The following GXYLT2 variants were observed in gnomAD, a reference collection of about 807,000 sequenced individuals.
GXYLT2 encodes the protein glucoside xylosyltransferase 2.
In GXYLT2, 53 loss-of-function variants were observed where a neutral mutation model predicts 45.8. The ratio of observed to expected loss-of-function variants is 1.16; its 90% confidence interval spans 0.93 to 1.46. GXYLT2 has a LOEUF of 1.46. GXYLT2 is among the 40% of genes most tolerant of loss of function. GXYLT2 has a pLI of 0.00. For synonymous variants in GXYLT2, 219 were observed against 214.2 expected (o/e 1.02, Z -0.19); for missense variants, 551 against 544.4 (o/e 1.01, Z -0.12).
At chr3:72,936,300 G>GAAAAAAAAA (rs796602781) in intron 3 of GXYLT2, among the ~76,000 whole-genome samples, 11 of 72,336 alleles carry the variant, frequency 1.5e-4, no homozygotes, top group South Asian at 1.5e-3. Context: ...TCAAAAAAAA[G>GAAAAAAAAA]AAAAAAAAAA....
At chr3:72,942,445 G>T (rs1171123510) in intron 3 of GXYLT2, among the ~76,000 whole-genome samples, 1 of 152,066 alleles carries the variant, frequency 6.6e-6, no homozygotes, top group Admixed American at 6.6e-5. Flanking sequence ...TAAAATTAAG[G>T]AGTGAAAGTT....
At chr3:72,929,223 A>AT (rs1709978453) in intron 3 of GXYLT2, 2 of 1,570,894 alleles carry the variant, frequency 1.3e-6, no homozygotes, top group East Asian at 4.5e-5. Flanking sequence ...CACCAATCTC[A>AT]TGAGGAGAGG....
chr3:72,909,403 A>G (rs1709575371), intron 2 of GXYLT2, among the ~76,000 whole-genome samples: 1 of 151,636 alleles, frequency 6.6e-6, no homozygotes, highest in Admixed American at 6.6e-5. Flanking sequence ...TTGTCTGTCT[A>G]TGTTTGTACA....
At position 72,894,958 on chromosome 3, in the gene GXYLT2, A is replaced by G. The variant is rs374977736; in HGVS notation, c.275+6450A>G. On this transcript the variant is annotated intron_variant, in intron 1 of 6. Coordinates refer to ENST00000389617, the MANE Select transcript of GXYLT2 (RefSeq NM_001080393.2). ...CTCTCTCCCCTGTATGGAAGCCCCCAGTAAAACGCCAGGTCTCGTTTGCTG... is the reference window on the plus strand; with the variant it reads ...CTCTCTCCCCTGTATGGAAGCCCCCGGTAAAACGCCAGGTCTCGTTTGCTG... 3.1e-4 allele frequency among the ~76,000 whole-genome samples: 47 copies of G among 152,276 alleles called. 2 individuals carry two copies. The South Asian group carries it at 8.9e-3, about 29-fold the overall frequency.
At chr3:72,894,441 T>C (rs1180144725) in intron 1 of GXYLT2, among the ~76,000 whole-genome samples, 1 of 152,220 alleles carries the variant, frequency 6.6e-6, no homozygotes, top group Non-Finnish European at 1.5e-5. Context: ...TATCAAAACC[T>C]GCGGGTGACT....
At chr3:72,960,850 T>C (rs922650175) in intron 5 of GXYLT2, among the ~76,000 whole-genome samples, 18 of 152,186 alleles carry the variant, frequency 1.2e-4, no homozygotes, top group Admixed American at 1.0e-3. Context: ...AGGGAGACAG[T>C]ATTGGCCACG....
intron 2 of GXYLT2, among the ~76,000 whole-genome samples, chr3:72,908,940 C>T (rs1392236659): frequency 1.3e-5 from 2 of 151,844 alleles, no homozygotes; most frequent in Admixed American, 1.3e-4. Context: ...AGAATTTTGC[C>T]GTGTTGCCCA....
intron 1 of GXYLT2, among the ~76,000 whole-genome samples, chr3:72,897,507 A>G (rs1709317519): frequency 6.6e-6 from 1 of 152,180 alleles, no homozygotes; most frequent in Non-Finnish European, 1.5e-5. Context: ...TACAAGTGAA[A>G]TGTGCTTACA....
At chr3:72,896,682 C>G (rs1163162865) in intron 1 of GXYLT2, among the ~76,000 whole-genome samples, 1 of 151,938 alleles carries the variant, frequency 6.6e-6, no homozygotes, top group African/African-American at 2.4e-5. Flanking sequence ...AACCTGGTCT[C>G]TACCAAAAAT....
At chr3:72,970,540 G>C (rs967953644) in intron 6 of GXYLT2, among the ~76,000 whole-genome samples, 7 of 151,976 alleles carry the variant, frequency 4.6e-5, no homozygotes, top group Non-Finnish European at 1.0e-4. Context: ...TTGCTAGGGA[G>C]AGTCCTGGAG....
chr3:72,911,466 A>G (rs1401620747), intron 2 of GXYLT2, among the ~76,000 whole-genome samples: 1 of 152,154 alleles, frequency 6.6e-6, no homozygotes, highest in African/African-American at 2.4e-5. Context: ...ACAGGGCAGA[A>G]GGGATGGTAT....
chr3:72,940,534 T>TA (rs1223225705), intron 3 of GXYLT2, among the ~76,000 whole-genome samples: 5 of 151,976 alleles, frequency 3.3e-5, no homozygotes, highest in African/African-American at 1.2e-4. Flanking sequence ...GGGGGTTGGT[T>TA]ATGGGGGTTT....
intron 1 of GXYLT2, among the ~76,000 whole-genome samples, chr3:72,894,932 ACT>A (rs1484366889): frequency 2.0e-5 from 3 of 151,466 alleles, no homozygotes; most frequent in Admixed American, 1.3e-4. Flanking sequence ...TTGCCACTGG[ACT>A]CTCTCCCCTG....
intron 3 of GXYLT2, among the ~76,000 whole-genome samples, chr3:72,945,983 G>T (rs1710394531): frequency 6.6e-6 from 1 of 152,042 alleles, no homozygotes; most frequent in East Asian, 1.9e-4. Context: ...CAATAAAGAT[G>T]CCATTTCTTT....
chr3:72,915,096 A>G (rs1170953884), intron 2 of GXYLT2, among the ~76,000 whole-genome samples: 2 of 151,968 alleles, frequency 1.3e-5, no homozygotes, highest in African/African-American at 2.4e-5. Flanking sequence ...AGGTTGAATG[A>G]GCCAAGATGG....
intron 3 of GXYLT2, among the ~76,000 whole-genome samples, chr3:72,928,749 G>C (rs566713002): frequency 9.3e-5 from 14 of 151,318 alleles, no homozygotes; most frequent in Non-Finnish European, 2.1e-4. Flanking sequence ...GGATCAGACT[G>C]TGGGGGCAAT....
intron 3 of GXYLT2, among the ~76,000 whole-genome samples, chr3:72,933,379 A>G (rs917960698): frequency 2.0e-5 from 3 of 152,246 alleles, no homozygotes; most frequent in Non-Finnish European, 4.4e-5. Flanking sequence ...AGTAGTTGCT[A>G]GTAAATGCTA....
chr3:72,892,438 C>T (rs1709201109), intron 1 of GXYLT2, among the ~76,000 whole-genome samples: 1 of 152,296 alleles, frequency 6.6e-6, no homozygotes, highest in Non-Finnish European at 1.5e-5. Context: ...TAGTTTTCCT[C>T]TGCCATTTTA....
chr3:72,892,729 A>G (rs114305648), intron 1 of GXYLT2, among the ~76,000 whole-genome samples: 80 of 152,322 alleles, frequency 5.3e-4, no homozygotes, highest in African/African-American at 1.9e-3. Context: ...TTCTGTAGCA[A>G]AATGCTTCAT....
Sources: allele counts gnomAD v4.1 joint callset (sites outside exome capture counted in the v4.1 genomes callset), GRCh38; gene constraint gnomAD v4.1.1; transcripts MANE v1.5; gene names NCBI Gene and HGNC (gene_info 2026-07-23, HGNC 2026-07-21).